RETREG1: variants seen among roughly 807,000 people sequenced by gnomAD.
RETREG1 encodes the protein family with sequence similarity 134 member B.
A neutral mutation model predicts 54.8 loss-of-function variants in RETREG1; 44 were observed. That is an observed-to-expected ratio of 0.80 (90% CI 0.63 to 1.03). RETREG1 has a LOEUF of 1.03. Ranked by LOEUF, RETREG1 falls within the 50% of genes least tolerant of loss-of-function variation. RETREG1 has a pLI of 0.00. For synonymous variants in RETREG1, 217 were observed against 238.5 expected (o/e 0.91, Z 0.83); for missense variants, 554 against 605.1 (o/e 0.92, Z 0.89).
chr5:16,615,295 G>T (rs256892), intron 1 of RETREG1, among the ~76,000 whole-genome samples: 27,243 of 150,916 alleles, frequency 0.18, 2,581 homozygotes, highest in East Asian at 0.3. Context: ...AGCTACTCGG[G>T]AGGCTGAGGC....
intron 2 of RETREG1, among the ~76,000 whole-genome samples, chr5:16,569,766 G>T (rs1454432939): frequency 2.6e-5 from 4 of 152,166 alleles, no homozygotes; most frequent in Non-Finnish European, 5.9e-5. Context: ...GAGGTGATTA[G>T]GTTAAGAAAT....
intron 3 of RETREG1, among the ~76,000 whole-genome samples, chr5:16,528,481 A>T (rs1252044019): frequency 6.6e-6 from 1 of 152,090 alleles, no homozygotes; most frequent in South Asian, 2.1e-4. Flanking sequence ...CCTGCCTGGG[A>T]CAGGAGTCAG....
intron 1 of RETREG1, among the ~76,000 whole-genome samples, chr5:16,608,759 A>G (rs1241126690): frequency 1.3e-5 from 2 of 152,312 alleles, no homozygotes; most frequent in Middle Eastern, 3.4e-3. Context: ...CGGAACAAAG[A>G]TAAGGCGAGG....
At chr5:16,610,274 G>C (rs1464023399) in intron 1 of RETREG1, among the ~76,000 whole-genome samples, 1 of 152,200 alleles carries the variant, frequency 6.6e-6, no homozygotes, top group Admixed American at 6.5e-5. Flanking sequence ...CAGGTCTCCC[G>C]CCAGGGGTGC....
chr5:16,503,819 A>C (rs1421541077), intron 3 of RETREG1, among the ~76,000 whole-genome samples: 2 of 152,164 alleles, frequency 1.3e-5, no homozygotes, highest in Non-Finnish European at 2.9e-5. Flanking sequence ...CCCACAATCA[A>C]TGGTATATTG....
intron 3 of RETREG1, among the ~76,000 whole-genome samples, chr5:16,487,393 A>T (rs1739059675): frequency 6.6e-6 from 1 of 152,094 alleles, no homozygotes; most frequent in African/African-American, 2.4e-5. Flanking sequence ...TAAGGAGTGA[A>T]CTCACCACAC....
chr5:16,491,665 G>T (rs33690), intron 3 of RETREG1, among the ~76,000 whole-genome samples: 1 of 151,912 alleles, frequency 6.6e-6, no homozygotes, highest in Non-Finnish European at 1.5e-5. Context: ...GTCATCTATA[G>T]GGAAGAGTTT....
chr5:16,523,249 T>C (rs1030427675), intron 3 of RETREG1, among the ~76,000 whole-genome samples: 3 of 152,194 alleles, frequency 2.0e-5, no homozygotes, highest in African/African-American at 7.2e-5. Flanking sequence ...GTTTTTGTTT[T>C]GTTTTGTTTT....
At chr5:16,497,912 A>T (rs1163262143) in intron 3 of RETREG1, among the ~76,000 whole-genome samples, 2 of 152,200 alleles carry the variant, frequency 1.3e-5, no homozygotes, top group African/African-American at 4.8e-5. Flanking sequence ...TCCTATGCCC[A>T]AAAAAGAGGG....
intron 3 of RETREG1, among the ~76,000 whole-genome samples, chr5:16,509,191 G>A (rs1740089222): frequency 6.6e-6 from 1 of 152,140 alleles, no homozygotes; most frequent in Admixed American, 6.5e-5. Flanking sequence ...TACCTGTGAG[G>A]GTTGGGGGTT....
intron 3 of RETREG1, chr5:16,508,992 A>G (rs2126564620): frequency 9.8e-7 from 1 of 1,019,824 alleles, no homozygotes; most frequent in Non-Finnish European, 1.2e-6. Flanking sequence ...AGTAACCTTC[A>G]TTGGATGACT....
chr5:16,500,369 G>T (rs146415377), intron 3 of RETREG1, among the ~76,000 whole-genome samples: 5 of 152,194 alleles, frequency 3.3e-5, no homozygotes, highest in Admixed American at 3.3e-4. Flanking sequence ...CTGGTGTGGC[G>T]GTACAAGGAG....
At chr5:16,545,224 G>T (rs1252794337) in intron 3 of RETREG1, among the ~76,000 whole-genome samples, 1 of 152,114 alleles carries the variant, frequency 6.6e-6, no homozygotes, top group East Asian at 1.9e-4. Context: ...TTCTTGCAAT[G>T]TGATGAAAAC....
chr5:16,530,604 G>C (rs572536084), intron 3 of RETREG1, among the ~76,000 whole-genome samples: 1 of 152,174 alleles, frequency 6.6e-6, no homozygotes, highest in Non-Finnish European at 1.5e-5. Flanking sequence ...CGGGCACAGT[G>C]ACTCACGCCT....
intron 3 of RETREG1, among the ~76,000 whole-genome samples, chr5:16,496,327 T>C (rs1739454302): frequency 6.6e-6 from 1 of 152,204 alleles, no homozygotes; most frequent in African/African-American, 2.4e-5. Flanking sequence ...GGGACATCCA[T>C]AATGTTGGAG....
At chr5:16,483,033 A>G (rs547751863) in intron 4 of RETREG1, 468 of 300,370 alleles carry the variant, frequency 1.6e-3, no homozygotes, top group Non-Finnish European at 2.5e-3. Context: ...GCTAAATACG[A>G]TAACTGAAAT....
intron 3 of RETREG1, among the ~76,000 whole-genome samples, chr5:16,507,708 A>G (rs1019227291): frequency 3.9e-5 from 6 of 152,184 alleles, no homozygotes; most frequent in Non-Finnish European, 7.4e-5. Context: ...CCATATACCC[A>G]TGGCTGAAAG....
intron 3 of RETREG1, among the ~76,000 whole-genome samples, chr5:16,491,933 G>A (rs537705694): frequency 1.2e-4 from 18 of 152,224 alleles, no homozygotes; most frequent in African/African-American, 3.4e-4. Context: ...ACTGAAAATC[G>A]GTATTTCATA....
At chr5:16,527,767 G>C (rs1459197443) in intron 3 of RETREG1, among the ~76,000 whole-genome samples, 1 of 133,214 alleles carries the variant, frequency 7.5e-6, no homozygotes, top group Non-Finnish European at 1.6e-5. Flanking sequence ...CAAAATAGCT[G>C]TCCATAGCTT....
Sources: gnomAD v4.1 joint callset for allele counts (sites outside exome capture counted in the v4.1 genomes callset) on GRCh38, gnomAD v4.1.1 for gene constraint, MANE v1.5 for transcripts, NCBI Gene and HGNC (gene_info 2026-07-23, HGNC 2026-07-21) for gene names.